Variants in PTGER3 observed in about 807,000 individuals in gnomAD.
PTGER3 encodes the protein prostaglandin E receptor 3.
PTGER3 carries 22 observed loss-of-function variants against 34.7 expected under a neutral mutation model. That is an observed-to-expected ratio of 0.63 (90% CI 0.45 to 0.91). PTGER3 has a LOEUF of 0.91. PTGER3 is among the 40% of genes least tolerant of loss of function. The pLI is 0.00. For missense variants in PTGER3, 468 were observed against 519.4 expected, an observed-to-expected ratio of 0.90 and a Z score of 0.96; for synonymous variants, 241 against 230.1, an observed-to-expected ratio of 1.05 and a Z score of -0.43.
intron 2 of PTGER3, among the ~76,000 whole-genome samples, chr1:70,990,809 T>C (rs1458834773): frequency 2.0e-5 from 3 of 152,102 alleles, no homozygotes; most frequent in African/African-American, 7.2e-5. Flanking sequence ...AACTGATATG[T>C]ACCACTCCAC....
downstream of PTGER3, among the ~76,000 whole-genome samples, chr1:70,949,628 A>C (rs1162877760): frequency 6.6e-6 from 1 of 152,206 alleles, no homozygotes; most frequent in Non-Finnish European, 1.5e-5. Context: ...CATCAAGGAC[A>C]TTTTTACTGA....
At chr1:70,863,259 G>T (rs1645967613) in intron 4 of PTGER3, among the ~76,000 whole-genome samples, 3 of 151,974 alleles carry the variant, frequency 2.0e-5, no homozygotes, top group Admixed American at 1.3e-4. Context: ...AGCAACTTCA[G>T]TTCAGATCAT....
At chr1:70,938,203 A>T (rs952515200) in intron 4 of PTGER3, among the ~76,000 whole-genome samples, 2 of 152,208 alleles carry the variant, frequency 1.3e-5, no homozygotes, top group Non-Finnish European at 2.9e-5. Context: ...TTAGAAGAGC[A>T]TCAGAAGCTA....
intron 2 of PTGER3, among the ~76,000 whole-genome samples, chr1:71,004,536 C>T (rs767974683): frequency 2.0e-5 from 3 of 152,126 alleles, no homozygotes; most frequent in Non-Finnish European, 4.4e-5. Context: ...ATGCAAACAT[C>T]TAATTTAAGG....
At chr1:71,025,413 T>C (rs966853732) in intron 1 of PTGER3, among the ~76,000 whole-genome samples, 1 of 152,052 alleles carries the variant, frequency 6.6e-6, no homozygotes, top group African/African-American at 2.4e-5. Context: ...CTATTAACTG[T>C]ATATCTAATA....
At chr1:71,023,124 A>C (rs1658573242) in intron 1 of PTGER3, among the ~76,000 whole-genome samples, 1 of 151,746 alleles carries the variant, frequency 6.6e-6, no homozygotes, top group South Asian at 2.1e-4. Flanking sequence ...TACCCTCCTT[A>C]CCTTTAAACT....
At chr1:70,961,442 C>T (rs947020373) in intron 2 of PTGER3, among the ~76,000 whole-genome samples, 3 of 152,144 alleles carry the variant, frequency 2.0e-5, no homozygotes, top group African/African-American at 4.8e-5. Flanking sequence ...CAGTACCCTG[C>T]TTTTTCTTTT....
chr1:70,908,998 T>C (rs1027604671), intron 4 of PTGER3, among the ~76,000 whole-genome samples: 2 of 152,182 alleles, frequency 1.3e-5, no homozygotes, highest in African/African-American at 4.8e-5. Context: ...GGAAATCTGC[T>C]TTCAAGGCCC....
intron 2 of PTGER3, among the ~76,000 whole-genome samples, chr1:70,986,779 C>T (rs944457344): frequency 1.3e-5 from 2 of 152,104 alleles, no homozygotes; most frequent in Admixed American, 1.3e-4. Flanking sequence ...AAGGAAAGGG[C>T]GTGCTGGGAG....
exon 4 of PTGER3, chr1:70,952,756 C>T: frequency 7.7e-7 from 1 of 1,293,130 alleles, no homozygotes; most frequent in East Asian, 2.9e-5. Context: ...CCATGTTTGC[C>T]CAAATGACCT....
At chr1:71,030,158 A>C (rs1659284923) in intron 1 of PTGER3, among the ~76,000 whole-genome samples, 1 of 152,048 alleles carries the variant, frequency 6.6e-6, no homozygotes, top group Non-Finnish European at 1.5e-5. Flanking sequence ...AAAATGGTAC[A>C]GTGGTAAATG....
At chr1:71,032,965 C>A (rs979620051) in intron 1 of PTGER3, among the ~76,000 whole-genome samples, 3 of 152,180 alleles carry the variant, frequency 2.0e-5, no homozygotes, top group Non-Finnish European at 4.4e-5. Context: ...GATCACGAAT[C>A]TTATGACATT....
chr1:70,972,613 C>A (rs186068890), intron 3 of PTGER3, among the ~76,000 whole-genome samples: 5 of 151,994 alleles, frequency 3.3e-5, no homozygotes, highest in Admixed American at 1.3e-4. Flanking sequence ...ATCAATGTGG[C>A]AAATTTGACC....
intron 4 of PTGER3, among the ~76,000 whole-genome samples, chr1:70,918,279 C>A (rs770701298): frequency 6.6e-6 from 1 of 152,004 alleles, no homozygotes; most frequent in African/African-American, 2.4e-5. Flanking sequence ...AATGTAAAAT[C>A]TGAAGATATG....
intron 1 of PTGER3, among the ~76,000 whole-genome samples, chr1:71,045,410 T>C (rs145944182): frequency 6.6e-6 from 1 of 152,348 alleles, no homozygotes; most frequent in African/African-American, 2.4e-5. Flanking sequence ...TCAAAGGTTT[T>C]CCACAACTGT....
intron 4 of PTGER3, among the ~76,000 whole-genome samples, chr1:70,898,055 G>A (rs1444592517): frequency 6.6e-6 from 1 of 152,056 alleles, no homozygotes; most frequent in Non-Finnish European, 1.5e-5. Context: ...GGTCTCTATG[G>A]ATATTTTTTA....
chr1:70,922,219 G>T (rs906442533), intron 4 of PTGER3, among the ~76,000 whole-genome samples: 2 of 151,654 alleles, frequency 1.3e-5, no homozygotes, highest in East Asian at 1.9e-4. Context: ...TGCAAAGAAG[G>T]TTATAAAGAA....
At chr1:70,919,147 T>A (rs1647300599) in intron 4 of PTGER3, among the ~76,000 whole-genome samples, 1 of 152,130 alleles carries the variant, frequency 6.6e-6, no homozygotes, top group African/African-American at 2.4e-5. Context: ...CCAGGCCCAT[T>A]GCAATTTATT....
intron 2 of PTGER3, among the ~76,000 whole-genome samples, chr1:70,961,221 T>A (rs978765074): frequency 2.0e-5 from 3 of 152,180 alleles, no homozygotes; most frequent in African/African-American, 7.2e-5. Flanking sequence ...AGCCTAAAAT[T>A]TTCTATTTCA....
Sources: gnomAD v4.1 joint callset for allele counts (sites outside exome capture counted in the v4.1 genomes callset) on GRCh38, gnomAD v4.1.1 for gene constraint, MANE v1.5 for transcripts, NCBI Gene and HGNC (gene_info 2026-07-23, HGNC 2026-07-21) for gene names.